Variants in IL4R observed in about 807,000 individuals in gnomAD.
The protein encoded by IL4R is interleukin 4 receptor.
IL4R carries 17 observed loss-of-function variants against 41.5 expected under a neutral mutation model. The ratio of observed to expected loss-of-function variants is 0.41; its 90% confidence interval spans 0.28 to 0.61. The LOEUF (loss-of-function observed/expected upper bound fraction) is 0.61. IL4R is among the 20% of genes least tolerant of loss of function. The pLI, the probability that IL4R is intolerant of heterozygous loss-of-function variation, is 0.31. For synonymous variants in IL4R, 402 were observed against 422.9 expected (o/e 0.95, Z 0.61); for missense variants, 974 against 1,043.1 (o/e 0.93, Z 0.91).
At chr16:27,358,534 G>T (rs550688371) in intron 8 of IL4R, among the ~76,000 whole-genome samples, 2 of 152,346 alleles carry the variant, frequency 1.3e-5, no homozygotes, top group South Asian at 4.1e-4. Context: ...CTGAAAAAGG[G>T]ATTGTTGAGG....
intron 1 of IL4R, among the ~76,000 whole-genome samples, chr16:27,315,037 T>A (rs1268365316): frequency 6.6e-6 from 1 of 152,118 alleles, no homozygotes; most frequent in African/African-American, 2.4e-5. Context: ...CTAGTTTGTC[T>A]GCTTCTGGGG....
rs530539235 is a variant in IL4R at position 27,363,610 on chromosome 16, C to T, written c.2258C>T (p.Ser753Leu). The T allele has an allele frequency of 3.5e-5, 56 of 1,613,850 alleles. No homozygotes were observed. In the East Asian group the frequency reaches 9.4e-4, roughly 27 times the overall value. Residue 753 changes from serine (S) to leucine (L), a missense_variant, in exon 11 of 11, where the codon TCG (serine) becomes TTG (leucine). Ser to Leu is a moderately radical substitution (Grantham distance 145). Coordinates refer to ENST00000395762, the MANE Select transcript of IL4R (RefSeq NM_000418.4). ...CCGCCCGDRS[S>L]PPTTPLRAPD... The stretch of plus-strand genomic sequence containing the variant: ...GGCTGCTGCTGTGGAGACAGGTCCT[C>T]GCCCCCTACAACCCCCCTGAGGGCC...
chr16:27,354,871 G>A (rs1448427407), intron 7 of IL4R: 6 of 356,212 alleles, frequency 1.7e-5, no homozygotes, highest in Admixed American at 9.3e-5. Flanking sequence ...CCATAGGCAG[G>A]GTCTCCATGG....
rs2086337390 is a variant in IL4R at position 27,362,604 on chromosome 16, G to C, written c.1252G>C (p.Glu418Gln). The C allele has an allele frequency of 4.3e-6, 7 of 1,614,038 alleles. No individual in the cohort carries two copies. The highest frequency in any genetic ancestry group is 1.3e-5 in the African/African-American group (1 of 74,900). ...CCTGTTCCTGGACCTGCTCGGAGAG[G>C]AGAATGGGGGCTTTTGCCAGCAGGA... ...ESLFLDLLGEENGGFCQQDMG... is the reference protein window; with the variant it reads ...ESLFLDLLGEQNGGFCQQDMG... Residue 418 changes from glutamate (E) to glutamine (Q), a missense_variant, in exon 11 of 11, where the codon GAG becomes CAG. Around this residue, in one of 3 missense-constraint regions of IL4R, gnomAD observed 682 missense variants for 704.3 expected, o/e 0.97. Transcript: ENST00000395762.
intron 1 of IL4R, among the ~76,000 whole-genome samples, chr16:27,324,694 G>T (rs2084905896): frequency 6.6e-6 from 1 of 152,240 alleles, no homozygotes; most frequent in South Asian, 2.1e-4. Flanking sequence ...CTCAGGCTCT[G>T]TTTCCTCCTT....
chr16:27,326,851 C>T (rs2084968063), intron 1 of IL4R, among the ~76,000 whole-genome samples: 1 of 152,130 alleles, frequency 6.6e-6, no homozygotes, highest in South Asian at 2.1e-4. Context: ...CGGAGCCAAC[C>T]AGGCAGATCC....
intron 3 of IL4R, 41 bp downstream of exon 3, chr16:27,340,314 ATGGCG>A (rs2085400338): frequency 6.6e-7 from 1 of 1,507,256 alleles, no homozygotes; most frequent in Non-Finnish European, 9.2e-7. Context: ...TTGGCTATTA[ATGGCG>A]TGCCAGGGTC....
chr16:27,336,247 T>C (rs1006917008), intron 2 of IL4R, among the ~76,000 whole-genome samples: 1 of 152,128 alleles, frequency 6.6e-6, no homozygotes, highest in East Asian at 1.9e-4. Flanking sequence ...TATAAAGTGT[T>C]GAATAGCTTG....
chr16:27,355,951 C>A (rs2086059044), intron 8 of IL4R, 44 bp downstream of exon 8: 3 of 1,362,216 alleles, frequency 2.2e-6, no homozygotes, highest in Non-Finnish European at 3.1e-6. Context: ...CTCTGGAGTG[C>A]AGGGTGGCAG....
chr16:27,327,799 G>A (rs79559034), intron 1 of IL4R, among the ~76,000 whole-genome samples: 1,671 of 152,230 alleles, frequency 0.011, 34 homozygotes, highest in African/African-American at 0.034. Flanking sequence ...TCATAGGGTC[G>A]TTGGGAGAAC....
At chr16:27,325,231 C>T (rs913669331) in intron 1 of IL4R, among the ~76,000 whole-genome samples, 2 of 151,906 alleles carry the variant, frequency 1.3e-5, no homozygotes, top group East Asian at 3.9e-4. Flanking sequence ...CCTGCCTATT[C>T]GCTGGGTCTT....
At chr16:27,339,739 C>A (rs897086508) in intron 2 of IL4R, among the ~76,000 whole-genome samples, 1 of 151,982 alleles carries the variant, frequency 6.6e-6, no homozygotes, top group African/African-American at 2.4e-5. Flanking sequence ...CGTGGAGGAC[C>A]TGTTGTCGGC....
chr16:27,362,135 A>G, intron 10 of IL4R, 117 bp from the exon 11 acceptor site: 1 of 920,344 alleles, frequency 1.1e-6, no homozygotes, highest in South Asian at 1.6e-5. Flanking sequence ...TAACGTTAGA[A>G]GGCATGTCTG....
chr16:27,341,683 A>G (rs1286379134), intron 3 of IL4R, among the ~76,000 whole-genome samples: 3 of 152,188 alleles, frequency 2.0e-5, no homozygotes, highest in African/African-American at 7.2e-5. Flanking sequence ...CTGTGGTATC[A>G]GCCTCCTGAG....
In IL4R at chr16:27,346,548, C is replaced by A. The variant is rs546421963; in HGVS notation, c.443C>A (p.Pro148His). Residue 148 changes from proline (P) to histidine (H), a missense_variant, in exon 6 of 11, where the codon CCC becomes CAC. This residue lies in a region of IL4R where 284 missense variants were observed against 313.4 expected (regional missense o/e 0.91). Coordinates refer to ENST00000395762, the MANE Select transcript of IL4R (RefSeq NM_000418.4). ...CTGCTGACCTGGAGCAACCCGTATC[C>A]CCCTGACAATTACCTGTATAATCAT... The part of the protein sequence containing the change: ...TLLLTWSNPY[P>H]PDNYLYNHLT... 1 of 1,614,146 alleles carries A rather than the reference C, an allele frequency of 6.2e-7. No homozygotes were observed. The highest frequency in any genetic ancestry group is 1.1e-5 in the South Asian group (1 of 91,084).
At chr16:27,329,142 C>T (rs1203128801) in intron 1 of IL4R, among the ~76,000 whole-genome samples, 2 of 152,006 alleles carry the variant, frequency 1.3e-5, no homozygotes, top group Non-Finnish European at 2.9e-5. Context: ...CACCTCCCTC[C>T]TCTCTCTTGC....
chr16:27,330,397 AAAAG>A (rs1388184925), intron 2 of IL4R, among the ~76,000 whole-genome samples, 199 bp downstream of exon 2: 114 of 151,284 alleles, frequency 7.5e-4, no homozygotes, highest in African/African-American at 2.5e-3. Flanking sequence ...AAAAAAAAAA[AAAAG>A]AAAAGAAAAA....
chr16:27,331,532 G>T (rs1452940059), intron 2 of IL4R, among the ~76,000 whole-genome samples: 1 of 152,182 alleles, frequency 6.6e-6, no homozygotes, highest in Non-Finnish European at 1.5e-5. Flanking sequence ...TGGTGAGGCT[G>T]CCCAGTATAG....
In IL4R at chr16:27,344,943, G is replaced by C. The variant is rs1237521831; in HGVS notation, c.284G>C (p.Ser95Thr). Residue 95 changes from serine to threonine, a missense_variant, in exon 5 of 11, where the codon AGT (serine) becomes ACT (threonine). This residue lies in a region of IL4R where 284 missense variants were observed against 313.4 expected (regional missense o/e 0.91). Coordinates refer to ENST00000395762, the MANE Select transcript of IL4R (RefSeq NM_000418.4). ...CACCTGCTCATGGATGACGTGGTCA[G>C]TGCGGATAACTATACACTGGACCTG... Reference protein sequence around the residue: ...VCHLLMDDVVSADNYTLDLWA... With the variant: ...VCHLLMDDVVTADNYTLDLWA... 1.2e-6 allele frequency: 2 copies of C among 1,614,052 alleles called. No homozygotes were observed. Among genetic ancestry groups the C allele is most frequent in the Non-Finnish European group, 1.7e-6 (2 of 1,180,038 alleles).
Sources: allele counts gnomAD v4.1 joint callset (sites outside exome capture counted in the v4.1 genomes callset), GRCh38; gene constraint gnomAD v4.1.1; regional missense constraint gnomAD v4.1.1; transcripts MANE v1.5; gene names NCBI Gene and HGNC (gene_info 2026-07-23, HGNC 2026-07-21).